Variants in RIMS1 observed in about 807,000 individuals in gnomAD.
RIMS1 encodes regulating synaptic membrane exocytosis 1, also known as regulating synaptic membrane exocytosis protein 1.
In RIMS1, 83 loss-of-function variants were observed where a neutral mutation model predicts 214.1. The ratio of observed to expected loss-of-function variants is 0.39; its 90% confidence interval spans 0.32 to 0.47. RIMS1 has a LOEUF of 0.47. RIMS1 is among the 20% of genes least tolerant of loss of function. The pLI is 0.99. For synonymous variants in RIMS1, 793 were observed against 786.8 expected, an observed-to-expected ratio of 1.01 and a Z score of -0.13; for missense variants, 2,050 against 2,161.8, an observed-to-expected ratio of 0.95 and a Z score of 1.03.
chr6:72,390,515 C>G, intron 29 of RIMS1, 83 bp from the exon 30 acceptor site: 1 of 1,349,714 alleles, frequency 7.4e-7, no homozygotes, highest in South Asian at 1.4e-5. Flanking sequence ...GTAAAATTAA[C>G]TATTGTATTT....
intron 4 of RIMS1, chr6:72,148,679 G>A (rs2043080123): frequency 2.2e-6 from 1 of 453,852 alleles, no homozygotes; most frequent in East Asian, 7.0e-5. Context: ...CTAGACTTGT[G>A]CTGTCACTAA....
Position 72,212,786 on chromosome 6 carries a change from C to T in RIMS1, c.1679-20987C>T, listed in dbSNP as rs1589192531. The T allele has an allele frequency of 6.9e-6, 7 of 1,016,514 alleles. No homozygotes were observed. In the South Asian group the frequency reaches 2.6e-4, roughly 37 times the overall value. The allele number at this position is 1,016,514 out of a possible 1,614,324, so 63.0% of individuals were successfully genotyped here. A position where few individuals can be genotyped will look rare whatever the true frequency, so the allele number is the denominator to read the frequency against. ...TCCTGTGGATCTGGTTAAAACCCAACAGAGATGCCAATATGCTTCTCCTCA... is the reference window on the plus strand; with the variant it reads ...TCCTGTGGATCTGGTTAAAACCCAATAGAGATGCCAATATGCTTCTCCTCA... On this transcript the variant is annotated intron_variant, in intron 6 of 33. Coordinates refer to ENST00000521978, the MANE Select transcript of RIMS1 (RefSeq NM_014989.7).
At position 72,301,841 on chromosome 6, in the gene RIMS1, G is replaced by GT. The variant is rs571349764; in HGVS notation, c.3851-5411dup. Among the ~76,000 whole-genome samples, 176 of 151,622 alleles carry GT rather than the reference G, an allele frequency of 1.2e-3. 1 individual carries two copies. Among genetic ancestry groups the GT allele is most frequent in the African/African-American group, 4.0e-3 (165 of 41,462 alleles). On this transcript the variant is annotated intron_variant, in intron 26 of 33. Coordinates refer to ENST00000521978, the MANE Select transcript of RIMS1 (RefSeq NM_014989.7). ...TTCCTGGAATCAATCCTGAACAGAT[G>GT]TTTTTTAAATTGGGAAAATAACATG...
intron 2 of RIMS1, among the ~76,000 whole-genome samples, chr6:72,009,234 T>G (rs1008060320): frequency 6.6e-6 from 1 of 152,046 alleles, no homozygotes; most frequent in African/African-American, 2.4e-5. Flanking sequence ...ACTGGATACA[T>G]AACGAAATGA....
chr6:71,891,122 G>A (rs765828842), intron 1 of RIMS1, among the ~76,000 whole-genome samples: 1 of 143,972 alleles, frequency 6.9e-6, no homozygotes, highest in African/African-American at 2.5e-5. Context: ...TCACAGCAGA[G>A]CCTGGGGCTT....
intron 1 of RIMS1, among the ~76,000 whole-genome samples, chr6:71,943,269 A>G (rs1786738906): frequency 6.6e-6 from 1 of 152,154 alleles, no homozygotes; most frequent in Non-Finnish European, 1.5e-5. Context: ...TAGCTATTTG[A>G]AACCCATTAT....
chr6:71,887,872 G>A (rs1768305009), intron 1 of RIMS1, among the ~76,000 whole-genome samples: 1 of 152,128 alleles, frequency 6.6e-6, no homozygotes, highest in African/African-American at 2.4e-5. Flanking sequence ...GCAATACAAA[G>A]TTTTTAATCA....
rs145381695 is a variant in RIMS1, at chr6:71,977,086, A to T, written c.245+8023A>T. 2.8e-4 allele frequency among the ~76,000 whole-genome samples: 43 copies of T among 152,280 alleles called. No homozygotes were observed. In the East Asian group the frequency reaches 7.3e-3, roughly 26 times the overall value. On this transcript the variant is annotated intron_variant, in intron 2 of 33. Coordinates refer to ENST00000521978, the MANE Select transcript of RIMS1 (RefSeq NM_014989.7). ...ATGGCAGAAATGTCAGGGACAACAC[A>T]AAAGAATGGATAATCCACTTGTAGA...
chr6:71,999,663 C>T (rs564611281), intron 2 of RIMS1, among the ~76,000 whole-genome samples: 94 of 152,204 alleles, frequency 6.2e-4, no homozygotes, highest in African/African-American at 2.0e-3. Flanking sequence ...TAATTAAAAT[C>T]GTCCACCTTT....
chr6:72,099,558 A>G (rs1435881223), intron 3 of RIMS1, among the ~76,000 whole-genome samples: 1 of 152,180 alleles, frequency 6.6e-6, no homozygotes, highest in Non-Finnish European at 1.5e-5. Flanking sequence ...CCAAATTGTG[A>G]CTATCAATAT....
At chr6:72,336,276 G>A (rs943060960) in intron 29 of RIMS1, among the ~76,000 whole-genome samples, 1 of 151,692 alleles carries the variant, frequency 6.6e-6, no homozygotes, top group Non-Finnish European at 1.5e-5. Context: ...ATAAAACACA[G>A]CAGTAATTTT....
intron 2 of RIMS1, among the ~76,000 whole-genome samples, chr6:72,041,230 A>G (rs1821353191): frequency 6.6e-6 from 1 of 151,946 alleles, no homozygotes; most frequent in Non-Finnish European, 1.5e-5. Context: ...TATTGAGAAG[A>G]CAGAGCATTG....
At chr6:72,217,364 T>A in intron 6 of RIMS1, 1 of 846,488 alleles carries the variant, frequency 1.2e-6, no homozygotes, top group South Asian at 2.1e-5. Flanking sequence ...AGAATAAGGA[T>A]GTTTTGCTTT....
chr6:72,215,585 AAATT>A (rs368932030), intron 6 of RIMS1, among the ~76,000 whole-genome samples: 71 of 152,330 alleles, frequency 4.7e-4, no homozygotes, highest in Middle Eastern at 3.4e-3. Flanking sequence ...TATGAGAAAT[AAATT>A]AACTAAATAA....
rs1441611068 is a variant in RIMS1, at chr6:72,249,776, T to TA, written c.2242-547dup. Among the ~76,000 whole-genome samples, 4 of 151,948 alleles carry TA rather than the reference T, an allele frequency of 2.6e-5. No homozygotes were observed. The East Asian group carries it at 7.7e-4, about 29-fold the overall frequency. Reference sequence around the variant, plus strand: ...AGAGTGAGACCATGTCTCTAAAAAATAAAAAAATAAGTGAGAAAAAATACC... The same window carrying TA: ...AGAGTGAGACCATGTCTCTAAAAAATAAAAAAAATAAGTGAGAAAAAATACC... On this transcript the variant is annotated intron_variant, in intron 12 of 33. Coordinates refer to ENST00000521978, the MANE Select transcript of RIMS1 (RefSeq NM_014989.7).
intron 2 of RIMS1, among the ~76,000 whole-genome samples, chr6:72,000,353 T>C (rs962217357): frequency 6.6e-6 from 1 of 152,196 alleles, no homozygotes; most frequent in Non-Finnish European, 1.5e-5. Flanking sequence ...GTTACATAAA[T>C]ATATTCCTCA....
At chr6:71,932,541 G>A (rs188355660) in intron 1 of RIMS1, among the ~76,000 whole-genome samples, 14 of 152,166 alleles carry the variant, frequency 9.2e-5, no homozygotes, top group African/African-American at 2.6e-4. Context: ...CTTAAAATCC[G>A]GGTGATGAAA....
chr6:72,374,309 C>T (rs150959189), intron 29 of RIMS1, among the ~76,000 whole-genome samples: 11 of 152,274 alleles, frequency 7.2e-5, no homozygotes, highest in East Asian at 5.8e-4. Flanking sequence ...TCTTCAGATA[C>T]GCAACTATGT....
intron 1 of RIMS1, among the ~76,000 whole-genome samples, chr6:71,965,625 A>C (rs1030214382): frequency 1.3e-5 from 2 of 152,168 alleles, no homozygotes; most frequent in African/African-American, 4.8e-5. Flanking sequence ...CGGAGTCAGG[A>C]GGAGCATTCC....
Sources: gnomAD v4.1 joint callset for allele counts (sites outside exome capture counted in the v4.1 genomes callset) on GRCh38, gnomAD v4.1.1 for gene constraint, MANE v1.5 for transcripts, NCBI Gene and HGNC (gene_info 2026-07-23, HGNC 2026-07-21) for gene names.